CADPS: variants seen among roughly 807,000 people sequenced by gnomAD.
CADPS encodes calcium dependent secretion activator.
In CADPS, 57 loss-of-function variants were observed where a neutral mutation model predicts 167.3. That is an observed-to-expected ratio of 0.34 (90% CI 0.28 to 0.42). CADPS has a LOEUF of 0.42. Among genes scored for constraint, CADPS ranks in the 20% least tolerant of loss-of-function variants. The pLI is 1.00. For synonymous variants in CADPS, 676 were observed against 635.3 expected (o/e 1.06, Z -0.96); for missense variants, 1,414 against 1,738.1 (o/e 0.81, Z 3.32).
intron 3 of CADPS, among the ~76,000 whole-genome samples, chr3:62,713,815 C>T (rs2083874540): frequency 2.6e-5 from 4 of 152,136 alleles, no homozygotes; most frequent in Admixed American, 2.6e-4. Context: ...CAGTGTCACT[C>T]TCCAGGGACT....
rs553071086 is a variant in CADPS at position 62,530,865 on chromosome 3, G to T, written c.2291+2006C>A. ...CATGCACAGAGTGTGGCCAGCCATA[G>T]GAGAATCAAGAGCACACGCACATGC... On this transcript the variant is annotated intron_variant, in intron 13 of 29. Coordinates refer to ENST00000383710, the MANE Select transcript of CADPS (RefSeq NM_003716.4). The T allele has an allele frequency of 8.4e-5, 86 of 1,026,754 alleles. No individual in the cohort carries two copies. In the African/African-American group the frequency reaches 1.2e-3, roughly 15 times the overall value. The allele number at this position is 1,026,754 out of a possible 1,614,324, so 63.6% of individuals were successfully genotyped here.
rs753120747 is a variant in CADPS at position 62,645,884 on chromosome 3, C to A, written c.1204-41G>T. On this transcript the variant is annotated intron_variant, in intron 5 of 29. Transcript: ENST00000383710. ...CACATAATGGAGGTTATTGGCAAGG[C>A]CCCTGGCAGCATCGCCCAGAGGAAA... 15 of 1,610,014 alleles carry A rather than the reference C, an allele frequency of 9.3e-6. No homozygotes were observed. The East Asian group carries it at 3.3e-4, about 36-fold the overall frequency.
At chr3:62,674,560 T>C (rs1375752650) in intron 3 of CADPS, among the ~76,000 whole-genome samples, 2 of 152,168 alleles carry the variant, frequency 1.3e-5, no homozygotes, top group Non-Finnish European at 2.9e-5. Context: ...CATAACCAAG[T>C]AGTTTTTTTT....
At chr3:62,856,340 CA>C (rs1577407148) in intron 1 of CADPS, among the ~76,000 whole-genome samples, 1 of 152,090 alleles carries the variant, frequency 6.6e-6, no homozygotes, top group East Asian at 1.9e-4. Flanking sequence ...TGAGGCACAT[CA>C]AAACCTTTTG....
chr3:62,497,975 G>A (rs536422584), intron 18 of CADPS, among the ~76,000 whole-genome samples: 4 of 152,282 alleles, frequency 2.6e-5, no homozygotes, highest in South Asian at 4.1e-4. Context: ...TGACCCTGCC[G>A]TGGAGGGTCA....
At position 62,491,353 on chromosome 3, in the gene CADPS, T is replaced by C; in HGVS notation, c.3012A>G (p.Ser1004=). 1.2e-6 allele frequency: 2 copies of C among 1,614,006 alleles called. No homozygotes were observed. The highest frequency in any genetic ancestry group is 1.7e-6 in the Non-Finnish European group (2 of 1,179,962). ...QSIHRGFERE[S]WEPVKSLTSN... is the part of the protein sequence containing the mutation. ...GGTTTCCTTACTTGACTGGTTCCCATGACTCCCGCTCAAAGCCCCTGTGAA... is the reference window on the plus strand; with the variant it reads ...GGTTTCCTTACTTGACTGGTTCCCACGACTCCCGCTCAAAGCCCCTGTGAA... Residue 1004 remains serine (S), a synonymous_variant, in exon 21 of 30, where the codon TCA becomes TCG. Coordinates refer to ENST00000383710, the MANE Select transcript of CADPS (RefSeq NM_003716.4).
chr3:62,586,088 G>A (rs940142461), intron 7 of CADPS, among the ~76,000 whole-genome samples: 7 of 152,152 alleles, frequency 4.6e-5, no homozygotes, highest in East Asian at 1.9e-4. Context: ...TTGTGATCAC[G>A]GAGTTCTCAG....
At chr3:62,809,764 C>T (rs771639917) in intron 1 of CADPS, among the ~76,000 whole-genome samples, 3 of 152,114 alleles carry the variant, frequency 2.0e-5, no homozygotes, top group East Asian at 1.9e-4. Context: ...TGGCACAGTG[C>T]CTGTCATACA....
At chr3:62,444,005 G>T (rs540569615) in intron 27 of CADPS, among the ~76,000 whole-genome samples, 1 of 152,186 alleles carries the variant, frequency 6.6e-6, no homozygotes, top group South Asian at 2.1e-4. Flanking sequence ...GCTGATATTT[G>T]ACTTCTTTGA....
At chr3:62,512,374 T>C (rs2068036955) in intron 17 of CADPS, among the ~76,000 whole-genome samples, 1 of 151,976 alleles carries the variant, frequency 6.6e-6, no homozygotes, top group African/African-American at 2.4e-5. Context: ...GAACACAAAC[T>C]TCTCAATAGG....
intron 4 of CADPS, among the ~76,000 whole-genome samples, chr3:62,657,912 TA>T (rs1202449734): frequency 1.3e-5 from 2 of 152,130 alleles, no homozygotes; most frequent in Non-Finnish European, 2.9e-5. Flanking sequence ...TTCCAGATTC[TA>T]AAAAAATCAA....
intron 28 of CADPS, among the ~76,000 whole-genome samples, chr3:62,422,531 C>T (rs990547366): frequency 6.6e-6 from 1 of 151,540 alleles, no homozygotes; most frequent in African/African-American, 2.4e-5. Context: ...TCCTTCCTTA[C>T]TTTTTTTCTC....
chr3:62,858,724 C>G (rs1308989136), intron 1 of CADPS, among the ~76,000 whole-genome samples: 1 of 152,082 alleles, frequency 6.6e-6, no homozygotes, highest in Non-Finnish European at 1.5e-5. Context: ...TGTAGTTTAT[C>G]CACATTACTT....
At chr3:62,401,777 C>T (rs1358506572) in intron 29 of CADPS, among the ~76,000 whole-genome samples, 1 of 151,960 alleles carries the variant, frequency 6.6e-6, no homozygotes, top group Non-Finnish European at 1.5e-5. Flanking sequence ...TAAACCTCCC[C>T]TCTGACTTAT....
At chr3:62,821,805 C>T (rs2094933918) in intron 1 of CADPS, among the ~76,000 whole-genome samples, 2 of 152,160 alleles carry the variant, frequency 1.3e-5, no homozygotes, top group South Asian at 4.1e-4. Flanking sequence ...ACAATTCAAC[C>T]CATAACAGTC....
chr3:62,599,509 T>A (rs1251454113), intron 6 of CADPS, among the ~76,000 whole-genome samples: 2 of 104,694 alleles, frequency 1.9e-5, no homozygotes, highest in East Asian at 2.6e-4. Flanking sequence ...TTTATATATA[T>A]TATATATATA....
intron 1 of CADPS, among the ~76,000 whole-genome samples, chr3:62,865,857 T>C (rs1373248176): frequency 6.6e-6 from 1 of 152,046 alleles, no homozygotes; most frequent in African/African-American, 2.4e-5. Flanking sequence ...AATGCCAAAA[T>C]CCTGTAAGAG....
intron 1 of CADPS, among the ~76,000 whole-genome samples, chr3:62,819,415 T>C (rs1028366507): frequency 4.5e-4 from 67 of 148,546 alleles, no homozygotes; most frequent in African/African-American, 1.6e-3. Flanking sequence ...TGCGTGTGTG[T>C]GTGTGTGTGT....
intron 1 of CADPS, among the ~76,000 whole-genome samples, chr3:62,832,740 G>T (rs1191219370): frequency 6.6e-6 from 1 of 152,212 alleles, no homozygotes; most frequent in East Asian, 1.9e-4. Flanking sequence ...GATCCTAAAT[G>T]TAAGAACACA....
Sources: allele counts gnomAD v4.1 joint callset (sites outside exome capture counted in the v4.1 genomes callset), GRCh38; gene constraint gnomAD v4.1.1; transcripts MANE v1.5; gene names NCBI Gene and HGNC (gene_info 2026-07-23, HGNC 2026-07-21).